Variants in FEZF2 observed in about 807,000 individuals in gnomAD.
FEZF2 encodes FEZ family zinc finger 2, also known as fez family zinc finger protein 2.
Under a neutral mutation model 32.8 loss-of-function variants are expected in FEZF2, and 2 were observed. The observed-to-expected ratio is 0.06, with a 90% CI of 0.02 to 0.19. The LOEUF (loss-of-function observed/expected upper bound fraction) is 0.19. Among genes scored for constraint, FEZF2 ranks in the 10% least tolerant of loss-of-function variants. The pLI is 1.00. For synonymous variants in FEZF2, 322 were observed against 284.8 expected, an observed-to-expected ratio of 1.13 and a Z score of -1.32; for missense variants, 516 against 625.4, an observed-to-expected ratio of 0.83 and a Z score of 1.87.
In FEZF2 at chr3:62,373,082, C is replaced by G. The variant is rs1212061312; in HGVS notation, c.-58-156G>C. 1 of 409,266 alleles carries G rather than the reference C, an allele frequency of 2.4e-6. No individual in the cohort carries two copies. 25.4% of individuals were successfully genotyped at this position (409,266 alleles called of 1,614,324 possible). A position where few individuals can be genotyped will look rare whatever the true frequency, so the allele number is the denominator to read the frequency against. On this transcript the variant is annotated intron_variant, in intron 1 of 4. Coordinates refer to ENST00000283268, the MANE Select transcript of FEZF2 (RefSeq NM_018008.4). The surrounding 1 kb of genome is among the most constrained non-coding windows in gnomAD (Gnocchi z 5.5). ...TTAACCCGGCGCGCAAAGGAACCCA[C>G]CAGCCCCTGCCCTGGGACTTTGAAA...
rs1337592655 is a variant in FEZF2, at chr3:62,371,259, G to A, written c.1078C>T (p.Pro360Ser). The change falls in exon 4 of 5, where the codon CCC becomes TCC. Residue 360 changes from proline (P) to serine (S), a missense_variant. Physicochemically the swap from Pro to Ser is moderately conservative, Grantham distance 74 (BLOSUM62 -1). Around this residue, in one of 3 missense-constraint regions of FEZF2, gnomAD observed 79 missense variants for 219.4 expected, o/e 0.36. Coordinates refer to ENST00000283268, the MANE Select transcript of FEZF2 (RefSeq NM_018008.4). The part of the protein sequence containing the change: ...THIRIHAGYK[P>S]FVCEFCGKGF... ...TTGCCGCAAAATTCGCAGACGAAGGGCTTGTAGCCCGCGTGGATGCGGATA... is the reference window on the plus strand; with the variant it reads ...TTGCCGCAAAATTCGCAGACGAAGGACTTGTAGCCCGCGTGGATGCGGATA... The A allele has an allele frequency of 6.2e-7, 1 of 1,614,268 alleles. No homozygotes were observed. The highest frequency in any genetic ancestry group is 1.1e-5 in the South Asian group (1 of 91,090).
chr3:62,372,631 CTAGGG>C lies in FEZF2; in HGVS notation c.233_237del (p.Pro78ArgfsTer105), dbSNP rs1340652430. 6.3e-7 allele frequency: 1 copy of C among 1,575,110 alleles called. No homozygotes were observed. Among genetic ancestry groups the C allele is most frequent in the Admixed American group, 1.8e-5 (1 of 56,630 alleles). ...AGTGTCTTTGACGGCACCTCGTAGC[CTAGGG>C]GCTGGAGGGGGATCATACAGGGCAG... On this transcript the variant is annotated frameshift_variant, in exon 2 of 5. Coordinates refer to ENST00000283268, the MANE Select transcript of FEZF2 (RefSeq NM_018008.4). LOFTEE classifies it high-confidence loss of function. This position sits in a 1 kb window ranked among gnomAD's most constrained non-coding sequence, Gnocchi z 9.6.
At position 62,371,629 on chromosome 3, in the gene FEZF2, C is replaced by A. The variant is rs149625903; in HGVS notation, c.891G>T (p.Pro297=). ...NAHYNLTRHM[P]VHTGARPFVC... is the part of the protein sequence containing the mutation. Reference sequence around the variant, plus strand: ...CGAACGGTCTGGCTCCGGTGTGGACCGGCATGTGGCGGGTGAGATTATAGT... The same window carrying A: ...CGAACGGTCTGGCTCCGGTGTGGACAGGCATGTGGCGGGTGAGATTATAGT... Residue 297 remains proline (P), a synonymous_variant, in exon 3 of 5, where the codon CCG becomes CCT. Transcript: ENST00000283268. 4 of 1,614,032 alleles carry A rather than the reference C, an allele frequency of 2.5e-6. No individual in the cohort carries two copies. Among genetic ancestry groups the A allele is most frequent in the Non-Finnish European group, 2.5e-6 (3 of 1,179,962 alleles).
rs559249671 is a variant in FEZF2, at chr3:62,372,425, C to T, written c.444G>A (p.Ala148=). 5 of 1,609,514 alleles carry T rather than the reference C, an allele frequency of 3.1e-6. No homozygotes were observed. Among genetic ancestry groups the T allele is most frequent in the East Asian group, 4.5e-5 (2 of 44,758 alleles). ...ELGLAPSALP[A]GRVIKPQVIN... ...TGACCTGCGGCTTGATGACCCTGCC[C>T]GCGGGCAGCGCGGACGGCGCCAGGC... is the stretch of plus-strand genomic sequence containing the variant. Residue 148 remains alanine (A), a synonymous_variant, in exon 2 of 5, where the codon GCG becomes GCA. Coordinates refer to ENST00000283268, the MANE Select transcript of FEZF2 (RefSeq NM_018008.4). This position sits in a 1 kb window ranked among gnomAD's most constrained non-coding sequence, Gnocchi z 9.6.
rs1335939446 is a variant in FEZF2 at position 62,369,968 on chromosome 3, T to C, written c.*115A>G. On this transcript the variant is annotated 3_prime_UTR_variant, in exon 5 of 5. Transcript: ENST00000283268. The surrounding 1 kb of genome is among the most constrained non-coding windows in gnomAD (Gnocchi z 4.2). ...CCAAAAATATGCTGGTTTCGATAAA[T>C]AGATTTTAGCCTCTCTGCTATAGTT... is the stretch of plus-strand genomic sequence containing the variant. The C allele has an allele frequency of 2.3e-6, 3 of 1,280,552 alleles. No individual in the cohort carries two copies. Among genetic ancestry groups the C allele is most frequent in the Non-Finnish European group, 3.1e-6 (3 of 959,050 alleles). The allele number at this position is 1,280,552 out of a possible 1,614,324, so 79.3% of individuals were successfully genotyped here.
chr3:62,371,119 G>A (rs1234866885), intron 4 of FEZF2, 98 bp downstream of exon 4: 8 of 1,564,874 alleles, frequency 5.1e-6, no homozygotes, highest in Middle Eastern at 1.7e-4. Flanking sequence ...TGCAGATTTC[G>A]CCTTCTCTCT....
Position 62,371,873 on chromosome 3 carries a change from C to T in FEZF2, c.852+144G>A, listed in dbSNP as rs562530796. 1.1e-5 allele frequency: 15 copies of T among 1,415,566 alleles called. No homozygotes were observed. The East Asian group carries it at 3.7e-4, about 35-fold the overall frequency. The allele number at this position is 1,415,566 out of a possible 1,614,324, so 87.7% of individuals were successfully genotyped here. On this transcript the variant is annotated intron_variant, in intron 2 of 4. Transcript: ENST00000283268. ...CATCCCCATTTTACAGAATAGGAAACTGAGGCCCAACGAGGCTCCCAGTTT... is the reference window on the plus strand; with the variant it reads ...CATCCCCATTTTACAGAATAGGAAATTGAGGCCCAACGAGGCTCCCAGTTT...
chr3:62,371,799 G>T, intron 2 of FEZF2, 132 bp from the exon 3 acceptor site: 1 of 1,434,476 alleles, frequency 7.0e-7, no homozygotes, highest in Non-Finnish European at 9.3e-7. Flanking sequence ...TTTGTAAAGT[G>T]CTGCCCAAAC....
At position 62,372,284 on chromosome 3, in the gene FEZF2, G is replaced by T; in HGVS notation, c.585C>A (p.Leu195=). The change falls in exon 2 of 5, where the codon CTC becomes CTA. Residue 195 remains leucine (L), a synonymous_variant. Coordinates refer to ENST00000283268, the MANE Select transcript of FEZF2 (RefSeq NM_018008.4). The surrounding 1 kb of genome is among the most constrained non-coding windows in gnomAD (Gnocchi z 9.6). ...GGGCGGCGGGGGCCTGCGCATTGAG[G>T]AGGCCAGACGGGAAGAGGTGGCCGC... The part of the protein sequence containing the change: ...LLSGHLFPSG[L]LNAQAPAALA... 1 of 1,600,688 alleles carries T rather than the reference G, an allele frequency of 6.2e-7. No homozygotes were observed. Among genetic ancestry groups the T allele is most frequent in the Non-Finnish European group, 8.5e-7 (1 of 1,174,290 alleles).
intron 4 of FEZF2, 82 bp downstream of exon 4, chr3:62,371,135 T>G: frequency 6.2e-7 from 1 of 1,603,074 alleles, no homozygotes; most frequent in Non-Finnish European, 8.5e-7. Flanking sequence ...TCTCTCCAGA[T>G]CCCTCTTTGC....
chr3:62,372,378 G>C lies in FEZF2; in HGVS notation c.491C>G (p.Pro164Arg), dbSNP rs756611895. The C allele has an allele frequency of 1.2e-6, 2 of 1,611,328 alleles. No individual in the cohort carries two copies. The highest frequency in any genetic ancestry group is 1.7e-6 in the Non-Finnish European group (2 of 1,179,764). The change falls in exon 2 of 5, where the codon CCG (proline) becomes CGG (arginine). Residue 164 changes from proline (P) to arginine (R), a missense_variant. Pro to Arg is a moderately radical substitution (Grantham distance 103, BLOSUM62 -2). This residue lies in a region of FEZF2 where 408 missense variants were observed against 382.2 expected (regional missense o/e 1.07). Coordinates refer to ENST00000283268, the MANE Select transcript of FEZF2 (RefSeq NM_018008.4). This position sits in a 1 kb window ranked among gnomAD's most constrained non-coding sequence, Gnocchi z 9.6. The stretch of plus-strand genomic sequence containing the variant: ...GAAGTAGTAGAGCGAGCCGCTGGCC[G>C]GCAGCCCCACAGCCTGGTTGATGAC... ...PQVINQAVGLPASGSLYYFNY... is the reference protein window; with the variant it reads ...PQVINQAVGLRASGSLYYFNY...
chr3:62,369,938 G>A lies in FEZF2; in HGVS notation c.*145C>T. On this transcript the variant is annotated 3_prime_UTR_variant, in exon 5 of 5. Coordinates refer to ENST00000283268, the MANE Select transcript of FEZF2 (RefSeq NM_018008.4). This position sits in a 1 kb window ranked among gnomAD's most constrained non-coding sequence, Gnocchi z 4.2. ...CTGCCAGTCATCGAGGAAACATTTAGCTTTCCAAAAATATGCTGGTTTCGA... is the reference window on the plus strand; with the variant it reads ...CTGCCAGTCATCGAGGAAACATTTAACTTTCCAAAAATATGCTGGTTTCGA... 1 of 1,058,092 alleles carries A rather than the reference G, an allele frequency of 9.5e-7. No individual in the cohort carries two copies. The highest frequency in any genetic ancestry group is 1.3e-6 in the Non-Finnish European group (1 of 765,226). 65.5% of individuals were successfully genotyped at this position (1,058,092 alleles called of 1,614,324 possible).
intron 2 of FEZF2, 86 bp from the exon 3 acceptor site, chr3:62,371,753 A>G (rs1229298138): frequency 1.3e-6 from 2 of 1,526,642 alleles, no homozygotes; most frequent in East Asian, 2.3e-5. Context: ...ACCTCCCCCA[A>G]CCAACACCCC....
At position 62,370,522 on chromosome 3, in the gene FEZF2, C is replaced by T. The variant is rs1704253501; in HGVS notation, c.1121-180G>A. The stretch of plus-strand genomic sequence containing the variant: ...TCGTAAGCGTCAAGCCGGGTGCTCT[C>T]CCGACAAGACCGAGACTGAGTCCCG... On this transcript the variant is annotated intron_variant, in intron 4 of 4. Transcript: ENST00000283268. The surrounding 1 kb of genome is among the most constrained non-coding windows in gnomAD (Gnocchi z 4.2). 6.6e-6 allele frequency among the ~76,000 whole-genome samples: 1 copy of T among 152,228 alleles called. No individual in the cohort carries two copies. The highest frequency in any genetic ancestry group is 1.5e-5 in the Non-Finnish European group (1 of 68,044).
intron 2 of FEZF2, 123 bp from the exon 3 acceptor site, chr3:62,371,790 T>G: frequency 6.8e-7 from 1 of 1,463,706 alleles, no homozygotes; most frequent in East Asian, 2.3e-5. Flanking sequence ...CTTTTTCAGT[T>G]TGTAAAGTGC....
At position 62,372,147 on chromosome 3, in the gene FEZF2, G is replaced by T. The variant is rs1704279821; in HGVS notation, c.722C>A (p.Pro241Gln). 15 of 1,593,948 alleles carry T rather than the reference G, an allele frequency of 9.4e-6. No individual in the cohort carries two copies. The highest frequency in any genetic ancestry group is 1.3e-5 in the Non-Finnish European group (15 of 1,170,464). The change falls in exon 2 of 5, where the codon CCG (proline) becomes CAG (glutamine). Residue 241 changes from proline (P) to glutamine (Q), a missense_variant. By Grantham distance (76) the Pro-to-Gln change is moderately conservative (BLOSUM62 -1). This residue lies in a region of FEZF2 where 408 missense variants were observed against 382.2 expected (regional missense o/e 1.07). Coordinates refer to ENST00000283268, the MANE Select transcript of FEZF2 (RefSeq NM_018008.4). The surrounding 1 kb of genome is among the most constrained non-coding windows in gnomAD (Gnocchi z 9.6). ...GTTTTCCTTCAGTACCTGCTCCAGC[G>T]GCGCCGGCAAGCGCTCCTTATGGGG... The part of the protein sequence containing the change: ...PYPHKERLPA[P>Q]LEQVLKENSA...
In FEZF2 at chr3:62,370,370, G is replaced by C. The variant is rs1200484022; in HGVS notation, c.1121-28C>G. On this transcript the variant is annotated intron_variant, in intron 4 of 4. Transcript: ENST00000283268. The surrounding 1 kb of genome is among the most constrained non-coding windows in gnomAD (Gnocchi z 4.2). ...ACAACAGATCAAGAACAAAAAACGTGGGGGTATGGAGTAGAATGGTGGGGA... is the reference window on the plus strand; with the variant it reads ...ACAACAGATCAAGAACAAAAAACGTCGGGGTATGGAGTAGAATGGTGGGGA... 3.7e-6 allele frequency: 6 copies of C among 1,610,830 alleles called. No homozygotes were observed. The highest frequency in any genetic ancestry group is 5.1e-6 in the Non-Finnish European group (6 of 1,177,780).
chr3:62,372,516 G>C lies in FEZF2; in HGVS notation c.353C>G (p.Ala118Gly), dbSNP rs1271497208. 4.1e-5 allele frequency: 54 copies of C among 1,307,594 alleles called. No individual in the cohort carries two copies. Among genetic ancestry groups the C allele is most frequent in the East Asian group, 1.2e-4 (4 of 32,770 alleles). The allele number at this position is 1,307,594 out of a possible 1,614,324, so 81.0% of individuals were successfully genotyped here. A position where few individuals can be genotyped will look rare whatever the true frequency, so the allele number is the denominator to read the frequency against. The stretch of plus-strand genomic sequence containing the variant: ...CAAGCCGCTGGCGCCGCACACTGGG[G>C]CCCCCCCGCCGCCGCCGCCGCCACC... ...GGGGGGGGGG[A>G]PVCGASGLCK... The change falls in exon 2 of 5, where the codon GCC becomes GGC. Residue 118 changes from alanine to glycine, a missense_variant. Physicochemically the swap from Ala to Gly is moderately conservative, Grantham distance 60. Transcript: ENST00000283268. This position sits in a 1 kb window ranked among gnomAD's most constrained non-coding sequence, Gnocchi z 9.6.
rs1704257334 is a variant in FEZF2, at chr3:62,370,680, C to T, written c.1121-338G>A. ...AGTCCTTCTCCTGGCTGATGCCTCG[C>T]TAGAAGAAATTCGCACGAACCCGGG... On this transcript the variant is annotated intron_variant, in intron 4 of 4. Transcript: ENST00000283268. The surrounding 1 kb of genome is among the most constrained non-coding windows in gnomAD (Gnocchi z 4.2). Among the ~76,000 whole-genome samples, 1 of 152,230 alleles carries T rather than the reference C, an allele frequency of 6.6e-6. No individual in the cohort carries two copies. The highest frequency in any genetic ancestry group is 1.9e-4 in the East Asian group (1 of 5,178).
Sources: allele counts gnomAD v4.1 joint callset (sites outside exome capture counted in the v4.1 genomes callset), GRCh38; gene constraint gnomAD v4.1.1; regional missense constraint gnomAD v4.1.1; non-coding constraint Gnocchi (gnomAD v3.1); transcripts MANE v1.5; gene names NCBI Gene and HGNC (gene_info 2026-07-23, HGNC 2026-07-21).